Variants in L3MBTL4 observed in about 807,000 individuals in gnomAD.
L3MBTL4 encodes the protein lethal(3)malignant brain tumor-like protein 4.
A neutral mutation model predicts 84.5 loss-of-function variants in L3MBTL4; 70 were observed. The ratio of observed to expected loss-of-function variants is 0.83; its 90% CI spans 0.68 to 1.01. The LOEUF (loss-of-function observed/expected upper bound fraction) is 1.01. Ranked by LOEUF, L3MBTL4 falls within the 50% of genes least tolerant of loss-of-function variation. The pLI, the probability that L3MBTL4 is intolerant of heterozygous loss-of-function variation, is 0.00. For synonymous variants in L3MBTL4, 274 were observed against 259.8 expected, an observed-to-expected ratio of 1.05 and a Z score of -0.52; for missense variants, 715 against 754.8, an observed-to-expected ratio of 0.95 and a Z score of 0.62.
intron 1 of L3MBTL4, among the ~76,000 whole-genome samples, chr18:6,314,771 G>A (rs761752883): frequency 1.5e-4 from 23 of 152,176 alleles, no homozygotes; most frequent in Admixed American, 3.3e-4. Flanking sequence ...ATAATTCACT[G>A]TCTGTCTATG....
chr18:6,186,438 A>G (rs1458524815), intron 12 of L3MBTL4, among the ~76,000 whole-genome samples: 1 of 152,168 alleles, frequency 6.6e-6, no homozygotes, highest in African/African-American at 2.4e-5. Flanking sequence ...TTGATCTTAC[A>G]CTAATGGAAG....
intron 14 of L3MBTL4, among the ~76,000 whole-genome samples, chr18:6,131,756 T>C (rs2059883991): frequency 6.6e-6 from 1 of 152,198 alleles, no homozygotes; most frequent in African/African-American, 2.4e-5. Context: ...TGTGCGCAAG[T>C]GCATGTATAT....
At chr18:6,224,406 A>G (rs546690698) in intron 10 of L3MBTL4, among the ~76,000 whole-genome samples, 1 of 152,222 alleles carries the variant, frequency 6.6e-6, no homozygotes, top group Non-Finnish European at 1.5e-5. Context: ...AAACACAGAC[A>G]CTGGTCTTAA....
intron 1 of L3MBTL4, among the ~76,000 whole-genome samples, chr18:6,409,011 G>A (rs1296767626): frequency 6.6e-6 from 1 of 152,124 alleles, no homozygotes; most frequent in Non-Finnish European, 1.5e-5. Context: ...AAATGGAAGT[G>A]AGACCAAAAG....
intron 16 of L3MBTL4, among the ~76,000 whole-genome samples, chr18:6,044,015 T>C (rs958922080): frequency 2.6e-5 from 4 of 152,214 alleles, no homozygotes; most frequent in Non-Finnish European, 5.9e-5. Context: ...ATAAAATATA[T>C]GTTGAATGGC....
At chr18:6,385,139 C>T (rs1002314528) in intron 1 of L3MBTL4, among the ~76,000 whole-genome samples, 4 of 152,152 alleles carry the variant, frequency 2.6e-5, no homozygotes, top group African/African-American at 7.2e-5. Context: ...CAGTGGTTCA[C>T]GCCTGCAATC....
At chr18:6,180,812 TTTTTCC>T (rs2044434042) in intron 12 of L3MBTL4, among the ~76,000 whole-genome samples, 1 of 152,216 alleles carries the variant, frequency 6.6e-6, no homozygotes, top group Non-Finnish European at 1.5e-5. Flanking sequence ...TTATTTGCTG[TTTTTCC>T]ATGCTTGTAT....
chr18:6,230,263 T>C (rs2046941883), intron 10 of L3MBTL4, among the ~76,000 whole-genome samples: 1 of 152,072 alleles, frequency 6.6e-6, no homozygotes, highest in African/African-American at 2.4e-5. Context: ...CCCCAGTGTC[T>C]CTTGTTGTTT....
intron 1 of L3MBTL4, among the ~76,000 whole-genome samples, chr18:6,328,376 T>C (rs80159036): frequency 0.016 from 2,502 of 152,304 alleles, 76 homozygotes; most frequent in African/African-American, 0.058. Context: ...TCATAGCTTA[T>C]TGAGAAGGAC....
At chr18:6,067,423 A>G (rs2057439172) in intron 16 of L3MBTL4, among the ~76,000 whole-genome samples, 1 of 152,176 alleles carries the variant, frequency 6.6e-6, no homozygotes, top group African/African-American at 2.4e-5. Context: ...CTTTTCCCTC[A>G]GGAACACCAA....
At chr18:6,359,184 G>A (rs1381169118) in intron 1 of L3MBTL4, among the ~76,000 whole-genome samples, 1 of 152,186 alleles carries the variant, frequency 6.6e-6, no homozygotes, top group Admixed American at 6.5e-5. Context: ...ACACAGCTGG[G>A]CACGGCGGCT....
At chr18:6,099,795 A>G (rs939241157) in intron 14 of L3MBTL4, among the ~76,000 whole-genome samples, 1 of 151,520 alleles carries the variant, frequency 6.6e-6, no homozygotes, top group Non-Finnish European at 1.5e-5. Context: ...GTAAGAAAAA[A>G]GTATAAATGC....
At chr18:5,995,183 G>T (rs775086527) in intron 16 of L3MBTL4, among the ~76,000 whole-genome samples, 1 of 152,218 alleles carries the variant, frequency 6.6e-6, no homozygotes, top group Non-Finnish European at 1.5e-5. Flanking sequence ...CCACAGCGGC[G>T]ACCACGCCAT....
At chr18:6,071,704 AGAAAGAAAGAAG>A (rs1445308182) in intron 16 of L3MBTL4, among the ~76,000 whole-genome samples, 30,490 of 108,192 alleles carry the variant, frequency 0.28, 4,378 homozygotes, top group East Asian at 0.54. Flanking sequence ...AAAGAAAGAA[AGAAAGAAAGAAG>A]GAAAGAAAGA....
At chr18:6,286,511 A>T (rs1456693378) in intron 4 of L3MBTL4, among the ~76,000 whole-genome samples, 1 of 151,640 alleles carries the variant, frequency 6.6e-6, no homozygotes, top group African/African-American at 2.4e-5. Flanking sequence ...AATAATAAAA[A>T]AATAAAACCT....
At chr18:6,166,058 C>T (rs969651836) in intron 13 of L3MBTL4, among the ~76,000 whole-genome samples, 2 of 152,048 alleles carry the variant, frequency 1.3e-5, no homozygotes, top group Non-Finnish European at 2.9e-5. Context: ...AGACTTCAAA[C>T]CAACAAAGAT....
intron 13 of L3MBTL4, among the ~76,000 whole-genome samples, chr18:6,139,273 T>C (rs1289399608): frequency 6.6e-6 from 1 of 152,082 alleles, no homozygotes; most frequent in Non-Finnish European, 1.5e-5. Flanking sequence ...TAAGCTACAG[T>C]GTACTATATA....
intron 1 of L3MBTL4, among the ~76,000 whole-genome samples, chr18:6,359,916 C>T (rs1021385472): frequency 6.6e-6 from 1 of 152,082 alleles, no homozygotes; most frequent in Non-Finnish European, 1.5e-5. Flanking sequence ...CATGGTCTTC[C>T]CTTTTTTCCT....
chr18:6,227,904 C>T (rs1463944518), intron 10 of L3MBTL4, among the ~76,000 whole-genome samples: 9 of 151,996 alleles, frequency 5.9e-5, no homozygotes, highest in African/African-American at 1.9e-4. Flanking sequence ...TGGCCTCAAG[C>T]GATCTTCCTG....
Sources: gnomAD v4.1 joint callset for allele counts (sites outside exome capture counted in the v4.1 genomes callset) on GRCh38, gnomAD v4.1.1 for gene constraint, MANE v1.5 for transcripts, NCBI Gene and HGNC (gene_info 2026-07-23, HGNC 2026-07-21) for gene names.